Variants in AP1M2 observed in about 807,000 individuals in gnomAD.
AP1M2 encodes AP-1 complex subunit mu-2.
A neutral mutation model predicts 54.6 loss-of-function variants in AP1M2; 41 were observed. The ratio of observed to expected loss-of-function variants is 0.75; its 90% CI spans 0.59 to 0.97. AP1M2 has a LOEUF of 0.97. AP1M2 is among the 50% of genes least tolerant of loss of function. The probability of loss-of-function intolerance (pLI) is 0.00; values close to 1 mark genes in which losing one functional copy is unlikely to be tolerated. For missense variants in AP1M2, 507 were observed against 561.2 expected, an observed-to-expected ratio of 0.90 and a Z score of 0.98; for synonymous variants, 219 against 215.9, an observed-to-expected ratio of 1.01 and a Z score of -0.13.
chr19:10,586,627 C>A (rs955492112), intron 1 of AP1M2, among the ~76,000 whole-genome samples: 1 of 151,604 alleles, frequency 6.6e-6, no homozygotes, highest in Non-Finnish European at 1.5e-5. Context: ...ACAGCTACTC[C>A]GGAGACTGAG....
rs1917268533 is a variant in AP1M2, at chr19:10,577,273, T to G, written c.972A>C (p.Arg324Ser). ...VPVPSDADSP[R>S]FKTSVGSAKY... ...TGGCGCTGCCCACACTGGTCTTGAATCTGGGGGAGTCGGCATCGCTGGGTA... is the reference window on the plus strand; with the variant it reads ...TGGCGCTGCCCACACTGGTCTTGAAGCTGGGGGAGTCGGCATCGCTGGGTA... The change falls in exon 9 of 12, where the codon AGA becomes AGC. Residue 324 changes from arginine to serine, a missense_variant. Transcript: ENST00000250244. 1.2e-6 allele frequency: 2 copies of G among 1,613,096 alleles called. No individual in the cohort carries two copies. The highest frequency in any genetic ancestry group is 1.7e-6 in the Non-Finnish European group (2 of 1,179,616).
At position 10,584,013 on chromosome 19, in the gene AP1M2, T is replaced by A; in HGVS notation, c.100A>T (p.Met34Leu). The change falls in exon 2 of 12, where the codon ATG becomes TTG. Residue 34 changes from methionine to leucine, a missense_variant. By Grantham distance (15) the Met-to-Leu change is conservative. Coordinates refer to ENST00000250244, the MANE Select transcript of AP1M2 (RefSeq NM_005498.5). ...DVAMSKIEHFMPLLVQREEEG... is the reference protein window; with the variant it reads ...DVAMSKIEHFLPLLVQREEEG... ...TCCTCCCGCTGTACCAGCAAAGGCA[T>A]GAAGTGCTCAATCTTGCTCATGGCC... is the stretch of plus-strand genomic sequence containing the variant. 1 of 1,610,474 alleles carries A rather than the reference T, an allele frequency of 6.2e-7. No homozygotes were observed.
chr19:10,579,676 C>G, intron 7 of AP1M2, 40 bp downstream of exon 7: 1 of 1,584,348 alleles, frequency 6.3e-7, no homozygotes, highest in Non-Finnish European at 8.6e-7. Context: ...TCAGCCTACC[C>G]CAACCTACTC....
At chr19:10,573,613 G>A (rs911493953) in intron 11 of AP1M2, among the ~76,000 whole-genome samples, 2 of 150,284 alleles carry the variant, frequency 1.3e-5, no homozygotes, top group Non-Finnish European at 3.0e-5. Context: ...CTCCAAACTC[G>A]CGACCACCCT....
chr19:10,573,377 C>G (rs1917121321), intron 11 of AP1M2, among the ~76,000 whole-genome samples: 1 of 151,996 alleles, frequency 6.6e-6, no homozygotes, highest in South Asian at 2.1e-4. Context: ...TGAGATTGCG[C>G]CACTGCACTC....
intron 8 of AP1M2, 129 bp from the exon 9 acceptor site, chr19:10,577,485 G>A (rs1225374271): frequency 1.0e-6 from 1 of 996,684 alleles, no homozygotes; most frequent in South Asian, 1.8e-5. Context: ...CCAGGCTGGA[G>A]TGCAGTGGCG....
At chr19:10,577,427 T>A in intron 8 of AP1M2, 71 bp from the exon 9 acceptor site, 2 of 534,412 alleles carry the variant, frequency 3.7e-6, no homozygotes, top group Non-Finnish European at 4.6e-6. Context: ...CAAGCCCTTT[T>A]TTTTTTTTTT....
chr19:10,576,951 G>A (rs1420334059), intron 9 of AP1M2, among the ~76,000 whole-genome samples: 1 of 152,074 alleles, frequency 6.6e-6, no homozygotes, highest in Non-Finnish European at 1.5e-5. Context: ...GAGCCACTGC[G>A]CCCAGCTCCT....
chr19:10,578,973 G>T lies in AP1M2; in HGVS notation c.817-10C>A. The T allele has an allele frequency of 6.4e-7, 1 of 1,572,454 alleles. No homozygotes were observed. The highest frequency in any genetic ancestry group is 8.7e-7 in the Non-Finnish European group (1 of 1,152,174). On this transcript the variant is annotated splice_polypyrimidine_tract_variant and intron_variant, in intron 7 of 11. Transcript: ENST00000250244. ...AGATCAGTGGCTTGACCTGTGGGAAGAAGAAGGGGAGAGTTCTTGGAGACT... is the reference window on the plus strand; with the variant it reads ...AGATCAGTGGCTTGACCTGTGGGAATAAGAAGGGGAGAGTTCTTGGAGACT...
chr19:10,576,822 T>C (rs1033116319), intron 9 of AP1M2, among the ~76,000 whole-genome samples: 1 of 151,836 alleles, frequency 6.6e-6, no homozygotes, highest in Non-Finnish European at 1.5e-5. Context: ...TTCTCCTGCC[T>C]CAGTGTCCCG....
chr19:10,585,327 GAAAGAAAGAA>G (rs1306401973), intron 1 of AP1M2, among the ~76,000 whole-genome samples: 5 of 140,030 alleles, frequency 3.6e-5, no homozygotes, highest in African/African-American at 1.2e-4. Context: ...AAGAAAGAAA[GAAAGAAAGAA>G]AGAAAGAAAG....
At chr19:10,584,103 C>T in intron 1 of AP1M2, 33 bp from the exon 2 acceptor site, 1 of 1,596,940 alleles carries the variant, frequency 6.3e-7, no homozygotes, top group Non-Finnish European at 8.5e-7. Context: ...TGGTCACCAC[C>T]AGCATCCAAG....
chr19:10,584,045 C>T lies in AP1M2; in HGVS notation c.68G>A (p.Gly23Asp). Reference protein sequence around the residue: ...GKPLISRNYKGDVAMSKIEHF... With the variant: ...GKPLISRNYKDDVAMSKIEHF... ...CTCAATCTTGCTCATGGCCACATCG[C>T]CCTTGTAGTTGCGGCTGATCAATGG... Residue 23 changes from glycine (G) to aspartate (D), a missense_variant, in exon 2 of 12, where the codon GGC becomes GAC. By Grantham distance (94) the Gly-to-Asp change is moderately conservative. Transcript: ENST00000250244. The T allele has an allele frequency of 6.2e-7, 1 of 1,611,064 alleles. No individual in the cohort carries two copies. Among genetic ancestry groups the T allele is most frequent in the South Asian group, 1.1e-5 (1 of 90,260 alleles).
intron 1 of AP1M2, among the ~76,000 whole-genome samples, chr19:10,585,515 G>C (rs1273923144): frequency 1.3e-5 from 2 of 151,828 alleles, no homozygotes; most frequent in African/African-American, 2.4e-5. Context: ...AGGCCAACAT[G>C]ATGAAACCCC....
At chr19:10,578,763 G>C (rs761145325) in intron 8 of AP1M2, 129 bp downstream of exon 8, 2 of 589,006 alleles carry the variant, frequency 3.4e-6, no homozygotes, top group East Asian at 3.0e-5. Context: ...TGTTGCCCAG[G>C]CTGGTCTCAA....
intron 1 of AP1M2, 135 bp downstream of exon 1, chr19:10,587,054 AG>A: frequency 1.0e-6 from 1 of 958,008 alleles, no homozygotes; most frequent in Non-Finnish European, 1.6e-6. Flanking sequence ...TGGATGCTGG[AG>A]GTGGGATTCC....
chr19:10,581,675 A>T (rs1424672251), intron 4 of AP1M2, 41 bp from the exon 5 acceptor site: 5 of 1,612,318 alleles, frequency 3.1e-6, no homozygotes, highest in Middle Eastern at 3.3e-4. Flanking sequence ...GGACCCAGGG[A>T]CACCTCCGTG....
rs1233935296 is a variant in AP1M2, at chr19:10,583,463, C to G, written c.267+143G>C. The stretch of plus-strand genomic sequence containing the variant: ...CAGCCTGGGCAATATAGCAAGACCC[C>G]ATCTCTACCAGAAAAAAAAAAAAGG... On this transcript the variant is annotated intron_variant, in intron 3 of 11. Transcript: ENST00000250244. The G allele has an allele frequency of 8.3e-6, 5 of 604,576 alleles. No individual in the cohort carries two copies. The Admixed American group carries it at 1.5e-4, about 18-fold the overall frequency. The allele number at this position is 604,576 out of a possible 1,614,324, so 37.5% of individuals were successfully genotyped here.
rs1206251337 is a variant in AP1M2, at chr19:10,584,002, C to T, written c.111G>A (p.Leu37=). The part of the protein sequence containing the change: ...MSKIEHFMPL[L]VQREEEGALA... ...GGGCGCCTTCCTCCTCCCGCTGTAC[C>T]AGCAAAGGCATGAAGTGCTCAATCT... The change falls in exon 2 of 12, where the codon CTG becomes CTA. Residue 37 remains leucine, a synonymous_variant. Transcript: ENST00000250244. 1 of 1,609,238 alleles carries T rather than the reference C, an allele frequency of 6.2e-7. No homozygotes were observed. Among genetic ancestry groups the T allele is most frequent in the African/African-American group, 1.3e-5 (1 of 74,886 alleles).
Sources: gnomAD v4.1 joint callset for allele counts (sites outside exome capture counted in the v4.1 genomes callset) on GRCh38, gnomAD v4.1.1 for gene constraint, MANE v1.5 for transcripts, NCBI Gene and HGNC (gene_info 2026-07-23, HGNC 2026-07-21) for gene names.